NHSL3: variants seen among roughly 807,000 people sequenced by gnomAD.
NHSL3 encodes the protein NHS like 3, also known as NHS-like protein 3.
At chr1:32,771,754 G>C in the NHSL3 span, 1 of 1,613,692 alleles carries the variant, frequency 6.2e-7, no homozygotes, top group Non-Finnish European at 8.5e-7. Context: ...CCCTCAGAAG[G>C]AACCGGTGGG....
At chr1:32,753,325 A>T in the NHSL3 span, among the ~76,000 whole-genome samples, 1 of 151,820 alleles carries the variant, frequency 6.6e-6, no homozygotes, top group Non-Finnish European at 1.5e-5. Flanking sequence ...TCTCTACTAA[A>T]ATTACAAAAA....
At chr1:32,768,900 C>T in the NHSL3 span, 1 of 1,163,346 alleles carries the variant, frequency 8.6e-7, no homozygotes, top group Non-Finnish European at 1.2e-6. Flanking sequence ...AAACACAGTA[C>T]CCTGTGTCCT....
the NHSL3 span, among the ~76,000 whole-genome samples, chr1:32,746,370 G>T: frequency 6.6e-6 from 1 of 152,202 alleles, no homozygotes; most frequent in Non-Finnish European, 1.5e-5. Context: ...CAGGATTGGA[G>T]CCCAGCAGAT....
the NHSL3 span, chr1:32,771,511 G>A: frequency 6.3e-7 from 1 of 1,583,472 alleles, no homozygotes; most frequent in Non-Finnish European, 8.6e-7. Flanking sequence ...CCCTGCCCCT[G>A]AGGAGCAGGA....
the NHSL3 span, chr1:32,769,625 C>A: frequency 1.4e-6 from 2 of 1,393,512 alleles, no homozygotes; most frequent in Non-Finnish European, 2.0e-6. Flanking sequence ...GCAGAATGTG[C>A]CTGGAGTCCT....
the NHSL3 span, chr1:32,769,670 C>A: frequency 6.2e-7 from 1 of 1,609,970 alleles, no homozygotes. Flanking sequence ...GACTGGCCCC[C>A]AGGCTCCACC....
chr1:32,771,969 C>G, the NHSL3 span: 3 of 1,606,192 alleles, frequency 1.9e-6, no homozygotes, highest in Non-Finnish European at 1.7e-6. Flanking sequence ...CCTCAGGGCT[C>G]CATGCTGCGG....
the NHSL3 span, chr1:32,768,878 A>C: frequency 7.2e-7 from 1 of 1,396,554 alleles, no homozygotes; most frequent in Non-Finnish European, 9.8e-7. Flanking sequence ...TCTCTGATTC[A>C]ATGAATTCGG....
the NHSL3 span, among the ~76,000 whole-genome samples, chr1:32,749,742 C>T: frequency 6.6e-6 from 1 of 152,068 alleles, no homozygotes; most frequent in Non-Finnish European, 1.5e-5. Flanking sequence ...TTCAGGGGCT[C>T]CTTCCAGCTC....
the NHSL3 span, among the ~76,000 whole-genome samples, chr1:32,764,812 A>G: frequency 6.6e-6 from 1 of 152,140 alleles, no homozygotes; most frequent in African/African-American, 2.4e-5. Context: ...TGAGATCGTG[A>G]CTTGTGTGAT....
chr1:32,762,746 C>T, the NHSL3 span, among the ~76,000 whole-genome samples: 138 of 152,114 alleles, frequency 9.1e-4, no homozygotes, highest in Middle Eastern at 0.01. Context: ...CCCGCCACCG[C>T]GCCTTGCTAA....
At chr1:32,754,244 G>T in the NHSL3 span, 50 of 688,816 alleles carry the variant, frequency 7.3e-5, no homozygotes, top group South Asian at 7.1e-4. Flanking sequence ...CGTCGCCACC[G>T]CTGCTGCCCC....
chr1:32,762,868 A>C, the NHSL3 span, among the ~76,000 whole-genome samples: 63 of 151,044 alleles, frequency 4.2e-4, no homozygotes, highest in Admixed American at 3.9e-3. Context: ...GATTACAGGC[A>C]TGGGCCACCA....
chr1:32,747,237 G>A, the NHSL3 span, among the ~76,000 whole-genome samples: 84 of 151,238 alleles, frequency 5.6e-4, no homozygotes, highest in Non-Finnish European at 1.0e-3. Flanking sequence ...CCAGGCTGGC[G>A]TGCAGTGGCG....
the NHSL3 span, among the ~76,000 whole-genome samples, chr1:32,745,709 C>T: frequency 6.6e-6 from 1 of 152,126 alleles, no homozygotes; most frequent in African/African-American, 2.4e-5. Flanking sequence ...GGGGCCTTTC[C>T]AGGATCAAAT....
the NHSL3 span, chr1:32,772,974 C>T: frequency 4.6e-6 from 6 of 1,307,290 alleles, no homozygotes; most frequent in Non-Finnish European, 6.7e-6. Context: ...GAGGATACAG[C>T]AGACACAACC....
At chr1:32,769,811 T>TGGTGGGGTG in the NHSL3 span, 4 of 1,481,856 alleles carry the variant, frequency 2.7e-6, no homozygotes, top group East Asian at 9.2e-5. Context: ...AGGAGGGCAG[T>TGGTGGGGTG]GGTGGGGTGG....
the NHSL3 span, among the ~76,000 whole-genome samples, chr1:32,754,603 C>G: frequency 1.3e-5 from 2 of 152,206 alleles, no homozygotes; most frequent in African/African-American, 4.8e-5. Context: ...ACACATCGGT[C>G]ATGTGGGTAC....
At chr1:32,761,327 C>A in the NHSL3 span, among the ~76,000 whole-genome samples, 1 of 152,092 alleles carries the variant, frequency 6.6e-6, no homozygotes, top group South Asian at 2.1e-4. Flanking sequence ...TGGGGTGACT[C>A]GGAGAGGCTG....
Sources: gnomAD v4.1 joint callset for allele counts (sites outside exome capture counted in the v4.1 genomes callset) on GRCh38, gnomAD v4.1.1 for gene constraint, MANE v1.5 for transcripts, NCBI Gene and HGNC (gene_info 2026-07-23, HGNC 2026-07-21) for gene names.